The following GTF2F1 variants were observed in gnomAD, a reference collection of about 807,000 sequenced individuals.
The protein encoded by GTF2F1 is general transcription factor IIF 74 kDa subunit.
GTF2F1 carries 39 observed loss-of-function variants against 63.5 expected under a neutral mutation model. That is an observed-to-expected ratio of 0.61 (90% confidence interval 0.48 to 0.80). The LOEUF (loss-of-function observed/expected upper bound fraction) is 0.80, where lower values mean the gene tolerates loss of function less well. GTF2F1 is among the 30% of genes least tolerant of loss of function. GTF2F1 has a pLI of 0.00. For synonymous variants in GTF2F1, 287 were observed against 285.3 expected, an observed-to-expected ratio of 1.01 and a Z score of -0.06; for missense variants, 657 against 718.3, an observed-to-expected ratio of 0.91 and a Z score of 0.97.
intron 6 of GTF2F1, among the ~76,000 whole-genome samples, chr19:6,382,107 C>T (rs535385389): frequency 1.2e-4 from 18 of 152,090 alleles, no homozygotes; most frequent in Non-Finnish European, 1.9e-4. Flanking sequence ...CACCTGATAA[C>T]CAGGGACACA....
intron 3 of GTF2F1, among the ~76,000 whole-genome samples, chr19:6,391,451 T>G (rs912593945): frequency 1.9e-3 from 256 of 136,352 alleles, no homozygotes; most frequent in African/African-American, 6.6e-3. Context: ...TTTTTTTTTT[T>G]TTTTTTTTTT....
At position 6,387,436 on chromosome 19, in the gene GTF2F1, G is replaced by A; in HGVS notation, c.450C>T (p.Ala150=). Residue 150 remains alanine, a synonymous_variant, in exon 5 of 13, where the codon GCC becomes GCT. Transcript: ENST00000394456. ...VHNWYNFTPL[A]RHRTLTAEEA... ...CCTCGGCAGTGAGCGTGCGATGCCGGGCCAGCGGTGTGAAATTGTACCAGT... is the reference window on the plus strand; with the variant it reads ...CCTCGGCAGTGAGCGTGCGATGCCGAGCCAGCGGTGTGAAATTGTACCAGT... 1 of 1,614,244 alleles carries A rather than the reference G, an allele frequency of 6.2e-7. No individual in the cohort carries two copies. Among genetic ancestry groups the A allele is most frequent in the African/African-American group, 1.3e-5 (1 of 75,064 alleles).
intron 5 of GTF2F1, among the ~76,000 whole-genome samples, chr19:6,384,090 C>A (rs1466786906): frequency 6.6e-6 from 1 of 151,682 alleles, no homozygotes; most frequent in Non-Finnish European, 1.5e-5. Flanking sequence ...TGTGAGCCAC[C>A]GTGCCCAGCC....
rs149769958 is a variant in GTF2F1, at chr19:6,388,696, C to T, written c.326+748G>A. On this transcript the variant is annotated intron_variant, in intron 4 of 12. Transcript: ENST00000394456. ...TGGGCAGTGGCTCATACCTATAATC[C>T]CAGCACTTTGGGAGACCAAGGTAGG... Among the ~76,000 whole-genome samples, 1,278 of 152,270 alleles carry T rather than the reference C, an allele frequency of 8.4e-3. 18 individuals carry two copies. The highest frequency in any genetic ancestry group is 0.029 in the African/African-American group (1,211 of 41,528).
Position 6,382,073 on chromosome 19 carries a change from C to T in GTF2F1, c.683-223G>A, listed in dbSNP as rs10406969. 4.0e-3 allele frequency among the ~76,000 whole-genome samples: 614 copies of T among 152,264 alleles called. 9 individuals are homozygous for T. The highest frequency in any genetic ancestry group is 0.014 in the African/African-American group (588 of 41,560). The stretch of plus-strand genomic sequence containing the variant: ...CTCTAGCGCTCACAGACCACTCCCC[C>T]TCTCCCAGACCACCCGGGCGAGGCA... On this transcript the variant is annotated intron_variant, in intron 6 of 12. Coordinates refer to ENST00000394456, the MANE Select transcript of GTF2F1 (RefSeq NM_002096.3).
chr19:6,385,338 G>A (rs2145077213), intron 5 of GTF2F1, among the ~76,000 whole-genome samples: 1 of 141,172 alleles, frequency 7.1e-6, no homozygotes, highest in South Asian at 2.2e-4. Flanking sequence ...GTTGCAATGA[G>A]CCAGTGAGCT....
chr19:6,382,112 G>C (rs1268948032), intron 6 of GTF2F1, among the ~76,000 whole-genome samples: 2 of 152,034 alleles, frequency 1.3e-5, no homozygotes, highest in Non-Finnish European at 2.9e-5. Flanking sequence ...GATAACCAGG[G>C]ACACAGCCCC....
At position 6,381,357 on chromosome 19, in the gene GTF2F1, A is replaced by G. The variant is rs2091949285; in HGVS notation, c.1018+2T>C. 1 of 1,592,118 alleles carries G rather than the reference A, an allele frequency of 6.3e-7. No individual in the cohort carries two copies. Among genetic ancestry groups the G allele is most frequent in the Non-Finnish European group, 8.6e-7 (1 of 1,169,372 alleles). ...CCAATATGGGGGCCACATGCGCCGCACCTTTCCTGCGCTTCTTCTCCTGCG... is the reference window on the plus strand; with the variant it reads ...CCAATATGGGGGCCACATGCGCCGCGCCTTTCCTGCGCTTCTTCTCCTGCG... On this transcript the variant is annotated splice_donor_variant, in intron 9 of 12. Transcript: ENST00000394456. LOFTEE classifies it high-confidence loss of function. The surrounding 1 kb of genome is among the most constrained non-coding windows in gnomAD (Gnocchi z 4.1).
rs368280063 is a variant in GTF2F1 at position 6,381,371 on chromosome 19, T to G, written c.1006A>C (p.Lys336Gln). The change falls in exon 9 of 13, where the codon AAG becomes CAG. Residue 336 changes from lysine (K) to glutamine (Q), a missense_variant. Coordinates refer to ENST00000394456, the MANE Select transcript of GTF2F1 (RefSeq NM_002096.3). The surrounding 1 kb of genome is among the most constrained non-coding windows in gnomAD (Gnocchi z 4.1). ...EKKAPTPQEK[K>Q]RRKDSSEESD... ...ACATGCGCCGCACCTTTCCTGCGCT[T>G]CTTCTCCTGCGGGGTGGGTGCCTTC... The G allele has an allele frequency of 9.2e-5, 147 of 1,604,828 alleles. No homozygotes were observed. The highest frequency in any genetic ancestry group is 1.6e-4 in the Middle Eastern group (1 of 6,070).
In GTF2F1 at chr19:6,381,828, C is replaced by G; in HGVS notation, c.705G>C (p.Lys235Asn). 1 of 1,613,290 alleles carries G rather than the reference C, an allele frequency of 6.2e-7. No homozygotes were observed. Among genetic ancestry groups the G allele is most frequent in the Non-Finnish European group, 8.5e-7 (1 of 1,179,968 alleles). ...CGCCCTTGGCCAGCGGCGCCTTCTT[C>G]TTGGCCTTGGGGACTCTGCCCCCTG... Reference protein sequence around the residue: ...GEEGGRVPKAKKKAPLAKGGR... With the variant: ...GEEGGRVPKANKKAPLAKGGR... The change falls in exon 7 of 13, where the codon AAG (lysine) becomes AAC (asparagine). Residue 235 changes from lysine (K) to asparagine (N), a missense_variant. Transcript: ENST00000394456. This position sits in a 1 kb window ranked among gnomAD's most constrained non-coding sequence, Gnocchi z 4.1.
In GTF2F1 at chr19:6,381,158, G is replaced by T. The variant is rs1369271605; in HGVS notation, c.1056C>A (p.Asp352Glu). 1 of 1,611,922 alleles carries T rather than the reference G, an allele frequency of 6.2e-7. No homozygotes were observed. Among genetic ancestry groups the T allele is most frequent in the East Asian group, 2.2e-5 (1 of 44,820 alleles). Residue 352 changes from aspartate to glutamate, a missense_variant, in exon 10 of 13, where the codon GAC (aspartate) becomes GAA (glutamate). Transcript: ENST00000394456. This position sits in a 1 kb window ranked among gnomAD's most constrained non-coding sequence, Gnocchi z 4.1. ...SEESDSSEESDIDSEASSALF... is the reference protein window; with the variant it reads ...SEESDSSEESEIDSEASSALF... ...GGGCTGAGGAGGCCTCGCTGTCAATGTCGCTCTCCTCTGAGCTGTCCGACT... is the reference window on the plus strand; with the variant it reads ...GGGCTGAGGAGGCCTCGCTGTCAATTTCGCTCTCCTCTGAGCTGTCCGACT...
At chr19:6,386,711 G>A (rs2091975450) in intron 5 of GTF2F1, 1 of 152,344 alleles carries the variant, frequency 6.6e-6, no homozygotes, top group South Asian at 2.1e-4. Flanking sequence ...CCAATGTGCT[G>A]GGATTACAGG....
At chr19:6,386,142 T>C (rs759982023) in intron 5 of GTF2F1, among the ~76,000 whole-genome samples, 1 of 151,582 alleles carries the variant, frequency 6.6e-6, no homozygotes, top group Non-Finnish European at 1.5e-5. Context: ...TCCCCACACT[T>C]AGGGAGGCTG....
intron 5 of GTF2F1, chr19:6,387,164 C>T (rs1019904813): frequency 1.9e-5 from 10 of 523,498 alleles, no homozygotes; most frequent in Admixed American, 1.3e-4. Context: ...ATTTGAGCTC[C>T]GGGTCACAGA....
rs767170843 is a variant in GTF2F1, at chr19:6,380,448, G to T, written c.1387C>A (p.Leu463Met). ...QVTEDAVRRY[L>M]TRKPMTTKDL... is the part of the protein sequence containing the mutation. ...TTAGTGGTCATGGGCTTCCGTGTCA[G>T]GTAGCGGCGCACGGCATCCTCAGTC... is the stretch of plus-strand genomic sequence containing the variant. The change falls in exon 13 of 13, where the codon CTG becomes ATG. Residue 463 changes from leucine (L) to methionine (M), a missense_variant. This residue lies in a region of GTF2F1 where 55 missense variants were observed against 92.6 expected (regional missense o/e 0.59). Coordinates refer to ENST00000394456, the MANE Select transcript of GTF2F1 (RefSeq NM_002096.3). The surrounding 1 kb of genome is among the most constrained non-coding windows in gnomAD (Gnocchi z 5.3). 6.2e-7 allele frequency: 1 copy of T among 1,614,098 alleles called. No individual in the cohort carries two copies. The highest frequency in any genetic ancestry group is 1.7e-5 in the Admixed American group (1 of 60,004).
chr19:6,385,583 C>T (rs2091971169), intron 5 of GTF2F1, among the ~76,000 whole-genome samples: 1 of 152,008 alleles, frequency 6.6e-6, no homozygotes, highest in African/African-American at 2.4e-5. Flanking sequence ...ACAGTGGAGC[C>T]CCAGGAACTC....
intron 3 of GTF2F1, among the ~76,000 whole-genome samples, chr19:6,390,575 C>T (rs1250572399): frequency 1.4e-5 from 2 of 141,506 alleles, no homozygotes; most frequent in African/African-American, 5.1e-5. Context: ...AAAAAAAGAC[C>T]AGCCTGGGCA....
intron 3 of GTF2F1, among the ~76,000 whole-genome samples, chr19:6,391,245 G>A (rs181718526): frequency 2.9e-4 from 44 of 152,106 alleles, no homozygotes; most frequent in African/African-American, 9.9e-4. Context: ...GTCCTTTCTA[G>A]AGCCTCTGAT....
intron 3 of GTF2F1, among the ~76,000 whole-genome samples, chr19:6,390,601 A>G (rs920223172): frequency 6.7e-5 from 10 of 149,908 alleles, no homozygotes; most frequent in Admixed American, 1.3e-4. Flanking sequence ...GTGAGATCCT[A>G]TATCTATTTC....
Sources: gnomAD v4.1 joint callset for allele counts (sites outside exome capture counted in the v4.1 genomes callset) on GRCh38, gnomAD v4.1.1 for gene constraint, gnomAD v4.1.1 regional missense constraint, Gnocchi (gnomAD v3.1) non-coding constraint, MANE v1.5 for transcripts, NCBI Gene and HGNC (gene_info 2026-07-23, HGNC 2026-07-21) for gene names.